The following CCSER1 variants were observed in gnomAD, a reference collection of about 807,000 sequenced individuals.
CCSER1 encodes serine-rich coiled-coil domain-containing protein 1.
CCSER1 carries 41 observed loss-of-function variants against 82.0 expected under a neutral mutation model. That is an observed-to-expected ratio of 0.50 (90% CI 0.39 to 0.65). The LOEUF is 0.65. Ranked by LOEUF, CCSER1 falls within the 30% of genes least tolerant of loss-of-function variation. The pLI is 0.00. For synonymous variants in CCSER1, 414 were observed against 383.9 expected, an observed-to-expected ratio of 1.08 and a Z score of -0.92; for missense variants, 1,119 against 1,064.2, an observed-to-expected ratio of 1.05 and a Z score of -0.72.
At chr4:91,267,763 A>T (rs1467486779) in intron 10 of CCSER1, among the ~76,000 whole-genome samples, 8 of 152,248 alleles carry the variant, frequency 5.3e-5, no homozygotes, top group Admixed American at 4.6e-4. Context: ...ATTTATGACT[A>T]GCTGAGAGGA....
rs922271437 is a variant in CCSER1 at position 90,181,368 on chromosome 4, G to A, written c.-42+53537G>A. ...ATGATATACAAAAGTTAATGCAAAA[G>A]TAATGAACTTTTGGTACATGCTACA... On this transcript the variant is annotated intron_variant, in intron 1 of 10. Transcript: ENST00000509176. 2.0e-5 allele frequency among the ~76,000 whole-genome samples: 3 copies of A among 152,146 alleles called. No homozygotes were observed. In the South Asian group the frequency reaches 6.2e-4, roughly 32 times the overall value.
chr4:90,337,325 A>T (rs920442027), intron 3 of CCSER1, among the ~76,000 whole-genome samples: 1 of 152,214 alleles, frequency 6.6e-6, no homozygotes. Flanking sequence ...CTGCTCGGAG[A>T]AGGGGTTGTG....
intron 10 of CCSER1, among the ~76,000 whole-genome samples, chr4:91,332,326 G>A (rs2037835): frequency 0.063 from 9,602 of 151,524 alleles, 403 homozygotes; most frequent in South Asian, 0.11. Flanking sequence ...CCCTCTCATT[G>A]TCAACATTAC....
intron 5 of CCSER1, among the ~76,000 whole-genome samples, chr4:90,573,801 A>G (rs1332798370): frequency 6.6e-6 from 1 of 152,180 alleles, no homozygotes; most frequent in African/African-American, 2.4e-5. Context: ...ACAGTAGCCA[A>G]TTGACAAATA....
At chr4:90,898,773 T>C (rs1234820821) in intron 8 of CCSER1, among the ~76,000 whole-genome samples, 2 of 152,104 alleles carry the variant, frequency 1.3e-5, no homozygotes, top group East Asian at 3.9e-4. Context: ...GTGGCTTTTT[T>C]CTGGGTTCTC....
At position 90,654,109 on chromosome 4, in the gene CCSER1, G is replaced by A. The variant is rs552575013; in HGVS notation, c.1932+25877G>A. On this transcript the variant is annotated intron_variant, in intron 6 of 10. Transcript: ENST00000509176. The stretch of plus-strand genomic sequence containing the variant: ...CCATGATCCAGTCACCTCCCACCAC[G>A]CCCCTCCTTCAATTCAACATGAGAT... 4.6e-5 allele frequency among the ~76,000 whole-genome samples: 7 copies of A among 152,178 alleles called. No individual in the cohort carries two copies. The South Asian group carries it at 8.3e-4, about 18-fold the overall frequency.
intron 6 of CCSER1, among the ~76,000 whole-genome samples, chr4:90,700,323 CT>C (rs542027165): frequency 2.0e-5 from 3 of 152,052 alleles, no homozygotes; most frequent in South Asian, 2.1e-4. Flanking sequence ...TGAACTCATC[CT>C]TTTTTATGGC....
intron 10 of CCSER1, among the ~76,000 whole-genome samples, chr4:91,465,810 C>T (rs1361704753): frequency 1.3e-5 from 2 of 152,022 alleles, no homozygotes; most frequent in African/African-American, 4.8e-5. Flanking sequence ...CAGGAAGAAG[C>T]TGAATCCCTG....
chr4:90,132,944 G>A (rs2153317569), intron 1 of CCSER1, among the ~76,000 whole-genome samples: 1 of 152,262 alleles, frequency 6.6e-6, no homozygotes, highest in Admixed American at 6.5e-5. Flanking sequence ...TAGAGTAGTG[G>A]TTTTCAAAAT....
chr4:90,617,235 T>A (rs956527730), intron 5 of CCSER1, among the ~76,000 whole-genome samples: 3 of 151,522 alleles, frequency 2.0e-5, no homozygotes, highest in African/African-American at 7.3e-5. Context: ...GGGGGAATTA[T>A]TTTTTTTTCT....
chr4:90,626,758 T>C (rs1723350212), intron 5 of CCSER1, among the ~76,000 whole-genome samples: 1 of 152,146 alleles, frequency 6.6e-6, no homozygotes, highest in Non-Finnish European at 1.5e-5. Context: ...ATTATAATAG[T>C]ACTAACCTTA....
chr4:90,802,513 C>T (rs1411917919), intron 7 of CCSER1, among the ~76,000 whole-genome samples: 3 of 151,626 alleles, frequency 2.0e-5, no homozygotes, highest in Non-Finnish European at 4.4e-5. Context: ...AAAGATAGAT[C>T]TACAATGAAT....
chr4:90,749,746 A>G (rs1465959822), intron 7 of CCSER1, among the ~76,000 whole-genome samples: 1 of 152,028 alleles, frequency 6.6e-6, no homozygotes, highest in Non-Finnish European at 1.5e-5. Flanking sequence ...GTGCCACAGT[A>G]AACATACGTG....
intron 8 of CCSER1, among the ~76,000 whole-genome samples, chr4:90,907,902 C>G (rs1725742153): frequency 6.6e-6 from 1 of 152,078 alleles, no homozygotes; most frequent in African/African-American, 2.4e-5. Flanking sequence ...ATATTAACTT[C>G]CAATAGCAAA....
chr4:91,187,067 C>T (rs546974007), intron 10 of CCSER1, among the ~76,000 whole-genome samples: 1 of 152,344 alleles, frequency 6.6e-6, no homozygotes. Flanking sequence ...TCACAGCTTC[C>T]CTTGGCTAGG....
At chr4:91,020,275 T>C (rs769737285) in intron 9 of CCSER1, among the ~76,000 whole-genome samples, 1 of 152,200 alleles carries the variant, frequency 6.6e-6, no homozygotes, top group Non-Finnish European at 1.5e-5. Context: ...TGCAAAGATA[T>C]GTACACTTAT....
At chr4:91,428,019 C>A (rs919189988) in intron 10 of CCSER1, among the ~76,000 whole-genome samples, 14 of 152,130 alleles carry the variant, frequency 9.2e-5, no homozygotes, top group African/African-American at 3.1e-4. Flanking sequence ...ATTCTACACT[C>A]ATTTTCAATC....
At chr4:90,357,399 C>A (rs944130846) in intron 3 of CCSER1, among the ~76,000 whole-genome samples, 1 of 151,784 alleles carries the variant, frequency 6.6e-6, no homozygotes, top group African/African-American at 2.4e-5. Flanking sequence ...TGGAAGTAAA[C>A]TTTTCAATTA....
intron 10 of CCSER1, among the ~76,000 whole-genome samples, chr4:91,181,654 T>A (rs116772025): frequency 0.016 from 2,363 of 152,224 alleles, 56 homozygotes; most frequent in African/African-American, 0.052. Context: ...GAGGTGCAAG[T>A]CAAGCTAAAC....
Sources: gnomAD v4.1 joint callset for allele counts (sites outside exome capture counted in the v4.1 genomes callset) on GRCh38, gnomAD v4.1.1 for gene constraint, MANE v1.5 for transcripts, NCBI Gene and HGNC (gene_info 2026-07-23, HGNC 2026-07-21) for gene names.